Variants in TDG observed in about 807,000 individuals in gnomAD.
TDG encodes G/T mismatch-specific thymine DNA glycosylase.
Under a neutral mutation model 46.1 loss-of-function variants are expected in TDG, and 23 were observed. That is an observed-to-expected ratio of 0.50 (90% CI 0.36 to 0.71). The LOEUF is 0.71. TDG is among the 30% of genes least tolerant of loss of function. The pLI is 0.00. For missense variants in TDG, 304 were observed against 486.7 expected, an observed-to-expected ratio of 0.62 and a Z score of 3.53; for synonymous variants, 115 against 161.3, an observed-to-expected ratio of 0.71 and a Z score of 2.18.
chr12:103,966,139 AG>A, intron 1 of TDG, 79 bp downstream of exon 1: 2 of 1,409,104 alleles, frequency 1.4e-6, no homozygotes, highest in African/African-American at 1.5e-5. Flanking sequence ...GCGCGCACGC[AG>A]GGGTCTTTTA....
chr12:103,965,942 G>C lies in TDG; in HGVS notation c.-96G>C. 2 of 1,513,114 alleles carry C rather than the reference G, an allele frequency of 1.3e-6. No homozygotes were observed. Among genetic ancestry groups the C allele is most frequent in the Non-Finnish European group, 1.8e-6 (2 of 1,121,624 alleles). The allele number at this position is 1,513,114 out of a possible 1,614,324, so 93.7% of individuals were successfully genotyped here. A position where few individuals can be genotyped will look rare whatever the true frequency, so the allele number is the denominator to read the frequency against. ...GCCAGCCATCGGGCCCAGGTCTCTG[G>C]GGTTGTCTTACCGCAGTGAGTACCA... On this transcript the variant is annotated 5_prime_UTR_variant, in exon 1 of 10. Coordinates refer to ENST00000392872, the MANE Select transcript of TDG (RefSeq NM_003211.6).
chr12:103,982,152 ATTGATTATCTAATAGTAACATTC>A (rs1320274638), intron 4 of TDG, among the ~76,000 whole-genome samples: 2 of 152,248 alleles, frequency 1.3e-5, no homozygotes, highest in African/African-American at 4.8e-5. Flanking sequence ...CGCTCAGGAA[ATTGATTATCTAATAGTAACATTC>A]AAAACATTTA....
At chr12:103,986,036 C>T (rs971776602) in intron 9 of TDG, among the ~76,000 whole-genome samples, 5 of 152,156 alleles carry the variant, frequency 3.3e-5, no homozygotes, top group Non-Finnish European at 7.3e-5. Context: ...TCTCCTGCCT[C>T]AGCCTCCCGA....
chr12:103,981,017 A>G, intron 4 of TDG, 55 bp downstream of exon 4: 1 of 1,491,590 alleles, frequency 6.7e-7, no homozygotes, highest in South Asian at 1.2e-5. Flanking sequence ...CTTTGTTAAC[A>G]GGTTTTTTCA....
intron 1 of TDG, among the ~76,000 whole-genome samples, chr12:103,976,408 C>CACACACA (rs1566179985): frequency 6.8e-5 from 10 of 147,450 alleles, no homozygotes; most frequent in African/African-American, 2.5e-4. Flanking sequence ...CCCTGTCTCC[C>CACACACA]CACACACACA....
chr12:103,972,622 G>T (rs575443093), intron 1 of TDG, among the ~76,000 whole-genome samples: 5 of 152,190 alleles, frequency 3.3e-5, no homozygotes, highest in African/African-American at 1.2e-4. Context: ...TTTTCCATAG[G>T]TTTATTTTCC....
intron 1 of TDG, among the ~76,000 whole-genome samples, chr12:103,969,803 A>G (rs577575866): frequency 3.1e-4 from 47 of 152,314 alleles, no homozygotes; most frequent in Admixed American, 2.8e-3. Flanking sequence ...TGTCTCCAAA[A>G]TGAGCAAGTT....
intron 1 of TDG, among the ~76,000 whole-genome samples, chr12:103,976,684 CATCTT>C (rs762443325): frequency 2.0e-5 from 3 of 152,130 alleles, no homozygotes; most frequent in African/African-American, 7.2e-5. Context: ...ATCAGTGACA[CATCTT>C]ATCATTTAAA....
Position 103,984,745 on chromosome 12 carries a change from C to A in TDG, c.793-4C>A. ...TCTGAAATTATAAAATGTTGTGATT[C>A]TAGCTCTGCTATGTTATGCCATCAT... On this transcript the variant is annotated splice_polypyrimidine_tract_variant and splice_region_variant and intron_variant, in intron 7 of 9. Coordinates refer to ENST00000392872, the MANE Select transcript of TDG (RefSeq NM_003211.6). 1 of 564,312 alleles carries A rather than the reference C, an allele frequency of 1.8e-6. No homozygotes were observed. Among genetic ancestry groups the A allele is most frequent in the Non-Finnish European group, 2.2e-6 (1 of 457,304 alleles). The allele number at this position is 564,312 out of a possible 1,614,324, so 35.0% of individuals were successfully genotyped here. A position where few individuals can be genotyped will look rare whatever the true frequency, so the allele number is the denominator to read the frequency against.
intron 9 of TDG, 55 bp downstream of exon 9, chr12:103,985,783 G>T: frequency 1.4e-6 from 2 of 1,430,354 alleles, no homozygotes; most frequent in Non-Finnish European, 1.8e-6. Flanking sequence ...TCAGGATTGG[G>T]GGGAAAATTT....
rs762354130 is a variant in TDG at position 103,983,233 on chromosome 12, T to C, written c.697+15T>C. The C allele has an allele frequency of 6.3e-7, 1 of 1,579,152 alleles. No homozygotes were observed. The highest frequency in any genetic ancestry group is 1.2e-5 in the South Asian group (1 of 83,630). ...TAATGGAAAATGTAAGATTTACTTT[T>C]AAATTTTTTTTTTCTTTGCTAACAT... On this transcript the variant is annotated intron_variant, in intron 6 of 9. Transcript: ENST00000392872.
chr12:103,986,374 A>G (rs1408566758), intron 9 of TDG: 1 of 152,280 alleles, frequency 6.6e-6, no homozygotes, highest in Admixed American at 6.5e-5. Flanking sequence ...CTCCTTCACT[A>G]GACTGTTAAA....
At chr12:103,983,570 G>A (rs1004422610) in intron 7 of TDG, among the ~76,000 whole-genome samples, 181 bp downstream of exon 7, 6 of 152,210 alleles carry the variant, frequency 3.9e-5, no homozygotes, top group African/African-American at 1.4e-4. Context: ...TACTATTAGG[G>A]TTTATTAGAA....
chr12:103,984,424 T>C (rs955084228), intron 7 of TDG, among the ~76,000 whole-genome samples: 8 of 152,062 alleles, frequency 5.3e-5, no homozygotes, highest in African/African-American at 1.9e-4. Flanking sequence ...TGAAACCCCA[T>C]CTCCACTAAA....
chr12:103,972,837 A>G (rs1309262504), intron 1 of TDG: 2 of 456,800 alleles, frequency 4.4e-6, no homozygotes, highest in South Asian at 9.2e-5. Flanking sequence ...TCAGCTTCTG[A>G]ACCCCAGAAT....
chr12:103,987,206 T>G lies in TDG; in HGVS notation c.*116T>G. On this transcript the variant is annotated 3_prime_UTR_variant, in exon 10 of 10. Coordinates refer to ENST00000392872, the MANE Select transcript of TDG (RefSeq NM_003211.6). ...TAGTATTTTACTCTAGTGGTGTAAT[T>G]GTAATGTAGAACAGTTGTGTGGTAG... 1 of 1,448,964 alleles carries G rather than the reference T, an allele frequency of 6.9e-7. No homozygotes were observed. Among genetic ancestry groups the G allele is most frequent in the South Asian group, 1.3e-5 (1 of 77,424 alleles). 89.8% of individuals were successfully genotyped at this position (1,448,964 alleles called of 1,614,324 possible).
At chr12:103,980,309 T>C (rs917598080) in intron 3 of TDG, 1 of 511,962 alleles carries the variant, frequency 2.0e-6, no homozygotes. Flanking sequence ...ATAAGTCTTA[T>C]TAACCTTTCT....
chr12:103,979,714 G>A (rs1303968281), intron 2 of TDG, 117 bp from the exon 3 acceptor site: 15 of 1,298,964 alleles, frequency 1.2e-5, no homozygotes, highest in South Asian at 9.5e-5. Flanking sequence ...GGGACTGTAA[G>A]AGCTTAATTT....
intron 9 of TDG, chr12:103,986,138 G>T (rs1306289114): frequency 6.6e-6 from 1 of 152,354 alleles, no homozygotes; most frequent in African/African-American, 2.4e-5. Context: ...AGCCAGGTTG[G>T]TCTCGATCTC....
Sources: allele counts gnomAD v4.1 joint callset (sites outside exome capture counted in the v4.1 genomes callset), GRCh38; gene constraint gnomAD v4.1.1; transcripts MANE v1.5; gene names NCBI Gene and HGNC (gene_info 2026-07-23, HGNC 2026-07-21).